Variants in SLCO2B1 observed in about 807,000 individuals in gnomAD.
The protein encoded by SLCO2B1 is OATP-RP2.
Under a neutral mutation model 67.3 loss-of-function variants are expected in SLCO2B1, and 41 were observed. The observed-to-expected ratio is 0.61, with a 90% CI of 0.47 to 0.79. The LOEUF (loss-of-function observed/expected upper bound fraction) is 0.79, where lower values mean the gene tolerates loss of function less well. Ranked by LOEUF, SLCO2B1 falls within the 30% of genes least tolerant of loss-of-function variation. The pLI is 0.00. For missense variants in SLCO2B1, 837 were observed against 920.1 expected, an observed-to-expected ratio of 0.91 and a Z score of 1.17; for synonymous variants, 379 against 381.4, an observed-to-expected ratio of 0.99 and a Z score of 0.07.
chr11:75,202,929 G>T lies in SLCO2B1; in HGVS notation c.1792G>T (p.Ala598Ser). ...RGVKKEDKTL[A>S]VGIQFMFLRI... is the part of the protein sequence containing the mutation. ...AGTGAAGAAAGAAGACAAGACTTTG[G>T]CTGTGGGCATCCAGTTCATGTTCCT... is the stretch of plus-strand genomic sequence containing the variant. Residue 598 changes from alanine (A) to serine (S), a missense_variant, in exon 12 of 14, where the codon GCT becomes TCT. By Grantham distance (99) the Ala-to-Ser change is moderately conservative. Transcript: ENST00000289575. 3.7e-6 allele frequency: 6 copies of T among 1,613,954 alleles called. No individual in the cohort carries two copies. Among genetic ancestry groups the T allele is most frequent in the Non-Finnish European group, 5.1e-6 (6 of 1,179,988 alleles).
At chr11:75,165,998 G>A in intron 4 of SLCO2B1, 49 bp downstream of exon 4, 2 of 1,576,882 alleles carry the variant, frequency 1.3e-6, no homozygotes, top group Middle Eastern at 2.0e-4. Flanking sequence ...CCTCTGCATT[G>A]CTTTGCGCTG....
intron 9 of SLCO2B1, chr11:75,196,251 C>T: frequency 2.3e-6 from 1 of 436,328 alleles, no homozygotes. Flanking sequence ...TCTTGTATAC[C>T]CTGTAGAAGG....
chr11:75,189,648 C>T (rs1410128917), intron 8 of SLCO2B1, among the ~76,000 whole-genome samples: 1 of 151,950 alleles, frequency 6.6e-6, no homozygotes, highest in African/African-American at 2.4e-5. Context: ...GAAGAGCTTC[C>T]TAAGATTTGA....
intron 7 of SLCO2B1, among the ~76,000 whole-genome samples, chr11:75,187,288 A>T (rs1234682487): frequency 1.3e-5 from 2 of 152,114 alleles, no homozygotes; most frequent in African/African-American, 4.8e-5. Flanking sequence ...CTCCCTCCAC[A>T]CACATGATAT....
In SLCO2B1 at chr11:75,200,208, C is replaced by A; in HGVS notation, c.1600-16C>A. On this transcript the variant is annotated splice_polypyrimidine_tract_variant and intron_variant, in intron 10 of 13. Transcript: ENST00000289575. ...TTGGAGGCTCTTGAAGTCTCTTCCT[C>A]CTCTTCCCACTCCAGGTTTTCTACA... The A allele has an allele frequency of 6.2e-7, 1 of 1,603,184 alleles. No homozygotes were observed. Among genetic ancestry groups the A allele is most frequent in the South Asian group, 1.1e-5 (1 of 89,502 alleles).
Position 75,162,789 on chromosome 11 carries a change from C to G in SLCO2B1, c.147+4C>G, listed in dbSNP as rs936389071. ...AAGTGTGTTCCATAACATCAAGGTA[C>G]CTCTCAGGGCCTGGCAGGGGCCTCC... On this transcript the variant is annotated splice_donor_region_variant and intron_variant, in intron 2 of 13. Transcript: ENST00000289575. 6.2e-7 allele frequency: 1 copy of G among 1,611,830 alleles called. No individual in the cohort carries two copies.
chr11:75,196,129 C>T lies in SLCO2B1; in HGVS notation c.1434-385C>T, dbSNP rs1945093668. 2.1e-5 allele frequency: 4 copies of T among 189,252 alleles called. No individual in the cohort carries two copies. In the South Asian group the frequency reaches 4.1e-4, roughly 19 times the overall value. The allele number at this position is 189,252 out of a possible 1,614,324, so 11.7% of individuals were successfully genotyped here. ...GGTCAGGTCTCCTGATCGGGTCCCA[C>T]ACTCATAGCTCTGATTTTCTGAGAA... is the stretch of plus-strand genomic sequence containing the variant. On this transcript the variant is annotated intron_variant, in intron 9 of 13. Transcript: ENST00000289575.
At position 75,169,666 on chromosome 11, in the gene SLCO2B1, G is replaced by A; in HGVS notation, c.683G>A (p.Gly228Glu). 6.2e-7 allele frequency: 1 copy of A among 1,610,982 alleles called. No individual in the cohort carries two copies. The change falls in exon 6 of 14, where the codon GGG becomes GAG. Residue 228 changes from glycine (G) to glutamate (E), a missense_variant and splice_region_variant. Physicochemically the swap from Gly to Glu is moderately conservative, Grantham distance 98 (BLOSUM62 -2). Coordinates refer to ENST00000289575, the MANE Select transcript of SLCO2B1 (RefSeq NM_007256.5). The part of the protein sequence containing the change: ...AHNSNSPLYL[G>E]ILFAVTMMGP... ...TCCTAACTCAGGCTTTGTGTTGTAGGGATCCTGTTTGCAGTGACCATGATG... is the reference window on the plus strand; with the variant it reads ...TCCTAACTCAGGCTTTGTGTTGTAGAGATCCTGTTTGCAGTGACCATGATG...
intron 7 of SLCO2B1, among the ~76,000 whole-genome samples, chr11:75,177,938 A>G (rs1055969111): frequency 2.0e-5 from 3 of 152,098 alleles, no homozygotes; most frequent in African/African-American, 4.8e-5. Context: ...TACTAAAAAT[A>G]TAAAAATTAG....
chr11:75,167,822 C>T (rs1949910482), intron 4 of SLCO2B1, among the ~76,000 whole-genome samples: 1 of 152,020 alleles, frequency 6.6e-6, no homozygotes, highest in Admixed American at 6.6e-5. Flanking sequence ...GTAGCCCTGC[C>T]TTAGCTGCTG....
chr11:75,203,306 G>C lies in SLCO2B1; in HGVS notation c.1829-1G>C. 1.2e-6 allele frequency: 2 copies of C among 1,613,260 alleles called. No individual in the cohort carries two copies. The highest frequency in any genetic ancestry group is 1.7e-6 in the Non-Finnish European group (2 of 1,179,968). On this transcript the variant is annotated splice_acceptor_variant, in intron 12 of 13. Transcript: ENST00000289575. LOFTEE classifies it high-confidence loss of function. ...TGTCCCCTGAGCACCACCTCCCTCA[G>C]CCTGGATGCCCAGCCCCGTGATCCA... is the stretch of plus-strand genomic sequence containing the variant.
At chr11:75,203,074 C>A in intron 12 of SLCO2B1, 109 bp downstream of exon 12, 1 of 1,193,786 alleles carries the variant, frequency 8.4e-7, no homozygotes, top group Non-Finnish European at 1.3e-6. Context: ...GATCTTAGGG[C>A]TCACAAGCTC....
At chr11:75,183,261 CAA>C (rs1950110175) in intron 7 of SLCO2B1, among the ~76,000 whole-genome samples, 1 of 152,114 alleles carries the variant, frequency 6.6e-6, no homozygotes, top group Non-Finnish European at 1.5e-5. Flanking sequence ...ACTAAGTCTT[CAA>C]AATGCGATGT....
At chr11:75,202,687 G>C (rs974199061) in intron 11 of SLCO2B1, 1 of 595,442 alleles carries the variant, frequency 1.7e-6, no homozygotes, top group African/African-American at 1.9e-5. Context: ...CTGATGGTCA[G>C]TGGGTGTGTT....
At chr11:75,166,622 C>T (rs1222336902) in intron 4 of SLCO2B1, among the ~76,000 whole-genome samples, 1 of 150,344 alleles carries the variant, frequency 6.7e-6, no homozygotes, top group Non-Finnish European at 1.5e-5. Flanking sequence ...ATCCACCCAT[C>T]GATCCATCCA....
At chr11:75,155,579 T>C (rs1949737300) in intron 1 of SLCO2B1, among the ~76,000 whole-genome samples, 1 of 152,248 alleles carries the variant, frequency 6.6e-6, no homozygotes, top group African/African-American at 2.4e-5. Flanking sequence ...TACCTCAACC[T>C]CCCAAGTAGC....
At chr11:75,187,732 TGTC>T (rs1944957050) in intron 7 of SLCO2B1, among the ~76,000 whole-genome samples, 1 of 152,168 alleles carries the variant, frequency 6.6e-6, no homozygotes. Flanking sequence ...GTGATGGTAA[TGTC>T]GTGACTAAAT....
rs1170440609 is a variant in SLCO2B1, at chr11:75,205,232, T to C, written c.*652T>C. ...TGGCAGGGCCTTCAAGAGGCCTGTG[T>C]GGGGGCCCCAGGAATCCTTAGCTGA... On this transcript the variant is annotated 3_prime_UTR_variant, in exon 14 of 14. Transcript: ENST00000289575. 6.6e-6 allele frequency: 1 copy of C among 152,338 alleles called. No homozygotes were observed. Among genetic ancestry groups the C allele is most frequent in the African/African-American group, 2.4e-5 (1 of 41,458 alleles). 9.4% of individuals were successfully genotyped at this position (152,338 alleles called of 1,614,324 possible).
At chr11:75,198,452 T>C (rs1945134110) in intron 10 of SLCO2B1, among the ~76,000 whole-genome samples, 1 of 152,238 alleles carries the variant, frequency 6.6e-6, no homozygotes, top group Non-Finnish European at 1.5e-5. Context: ...GCACAGTGCC[T>C]AGGCAATTTT....
Sources: allele counts gnomAD v4.1 joint callset (sites outside exome capture counted in the v4.1 genomes callset), GRCh38; gene constraint gnomAD v4.1.1; transcripts MANE v1.5; gene names NCBI Gene and HGNC (gene_info 2026-07-23, HGNC 2026-07-21).